The following CCSER1 variants were observed in gnomAD, a reference collection of about 807,000 sequenced individuals.
CCSER1 encodes the protein serine-rich coiled-coil domain-containing protein 1.
Under a neutral mutation model 82.0 loss-of-function variants are expected in CCSER1, and 41 were observed. The observed-to-expected ratio is 0.50, with a 90% CI of 0.39 to 0.65. The LOEUF is 0.65. CCSER1 is among the 30% of genes least tolerant of loss of function. The pLI is 0.00. For missense variants in CCSER1, 1,119 were observed against 1,064.2 expected (o/e 1.05, Z -0.72); for synonymous variants, 414 against 383.9 (o/e 1.08, Z -0.92).
intron 8 of CCSER1, among the ~76,000 whole-genome samples, chr4:90,914,119 G>A (rs540244559): frequency 2.6e-5 from 4 of 152,214 alleles, no homozygotes; most frequent in Non-Finnish European, 4.4e-5. Flanking sequence ...TCCAGGAATT[G>A]AATTCAGCTG....
chr4:90,441,402 C>T (rs1281905913), intron 4 of CCSER1, among the ~76,000 whole-genome samples: 1 of 152,074 alleles, frequency 6.6e-6, no homozygotes, highest in Non-Finnish European at 1.5e-5. Context: ...AGGCTGTCTT[C>T]CTGGCTTGTA....
intron 5 of CCSER1, among the ~76,000 whole-genome samples, chr4:90,524,351 C>T (rs578152863): frequency 1.3e-5 from 2 of 152,312 alleles, no homozygotes; most frequent in East Asian, 3.9e-4. Context: ...GTGGTTAAGC[C>T]AAGGGGCAAA....
At chr4:90,833,758 G>T (rs1251325067) in intron 8 of CCSER1, among the ~76,000 whole-genome samples, 1 of 152,134 alleles carries the variant, frequency 6.6e-6, no homozygotes, top group East Asian at 1.9e-4. Context: ...TCAAAAGTTG[G>T]TTGTGTTGAA....
chr4:90,865,477 TC>T (rs1353898066), intron 8 of CCSER1, among the ~76,000 whole-genome samples: 9 of 152,018 alleles, frequency 5.9e-5, no homozygotes, highest in African/African-American at 1.9e-4. Flanking sequence ...ATGTCTACCT[TC>T]CAGCTGTCAT....
At chr4:91,354,325 C>A (rs1476813418) in intron 10 of CCSER1, among the ~76,000 whole-genome samples, 1 of 152,180 alleles carries the variant, frequency 6.6e-6, no homozygotes, top group Non-Finnish European at 1.5e-5. Context: ...CAGAAGTTTA[C>A]CTGTTTTTAT....
intron 5 of CCSER1, among the ~76,000 whole-genome samples, chr4:90,543,981 A>T (rs954450500): frequency 6.6e-6 from 1 of 152,132 alleles, no homozygotes; most frequent in Non-Finnish European, 1.5e-5. Flanking sequence ...ACAGAAAGAT[A>T]TGAGGCATCT....
chr4:90,161,898 C>G (rs1000611918), intron 1 of CCSER1, among the ~76,000 whole-genome samples: 1 of 152,020 alleles, frequency 6.6e-6, no homozygotes, highest in Non-Finnish European at 1.5e-5. Flanking sequence ...TCTCTACAAG[C>G]TATCTACTTC....
chr4:90,568,193 A>G (rs1779632143), intron 5 of CCSER1, among the ~76,000 whole-genome samples: 1 of 152,228 alleles, frequency 6.6e-6, no homozygotes, highest in Non-Finnish European at 1.5e-5. Context: ...GATCTAGATT[A>G]TATTTTAAGT....
intron 5 of CCSER1, among the ~76,000 whole-genome samples, chr4:90,513,978 G>A (rs548800587): frequency 3.9e-5 from 6 of 152,172 alleles, no homozygotes; most frequent in East Asian, 1.9e-4. Flanking sequence ...TAGGGGGATC[G>A]GAGAGAAAAC....
chr4:90,707,124 T>A (rs932395637), intron 6 of CCSER1, among the ~76,000 whole-genome samples: 4 of 152,250 alleles, frequency 2.6e-5, no homozygotes, highest in African/African-American at 9.6e-5. Context: ...CTCTTGTCTA[T>A]TCTTTGAAGA....
intron 10 of CCSER1, among the ~76,000 whole-genome samples, chr4:91,536,146 G>A (rs1219180077): frequency 6.6e-6 from 1 of 152,106 alleles, no homozygotes; most frequent in Non-Finnish European, 1.5e-5. Context: ...AGATTTCAGT[G>A]TGGAAGAATG....
intron 4 of CCSER1, among the ~76,000 whole-genome samples, chr4:90,452,605 T>A (rs999339552): frequency 6.6e-6 from 1 of 152,208 alleles, no homozygotes; most frequent in African/African-American, 2.4e-5. Flanking sequence ...GGAACTCCCA[T>A]GGCCATTGCC....
chr4:90,172,665 C>T (rs1278339188), intron 1 of CCSER1, among the ~76,000 whole-genome samples: 1 of 151,794 alleles, frequency 6.6e-6, no homozygotes, highest in African/African-American at 2.4e-5. Flanking sequence ...AAATTGAATT[C>T]AAATTCAGGT....
intron 10 of CCSER1, among the ~76,000 whole-genome samples, chr4:91,447,586 G>T (rs891307533): frequency 8.5e-5 from 13 of 152,080 alleles, no homozygotes; most frequent in Admixed American, 5.9e-4. Context: ...AATAAGGACA[G>T]AAAAATTAGT....
intron 3 of CCSER1, among the ~76,000 whole-genome samples, chr4:90,393,401 A>T (rs1196903005): frequency 6.6e-6 from 1 of 152,200 alleles, no homozygotes; most frequent in East Asian, 1.9e-4. Context: ...ACGGAAATGT[A>T]TATCTTGGCA....
intron 7 of CCSER1, among the ~76,000 whole-genome samples, chr4:90,801,456 G>A (rs984700417): frequency 6.6e-6 from 1 of 152,092 alleles, no homozygotes; most frequent in African/African-American, 2.4e-5. Flanking sequence ...ATTTATATCG[G>A]TAAGAATTTT....
chr4:90,968,005 G>A (rs1191529067), intron 9 of CCSER1, among the ~76,000 whole-genome samples: 18 of 152,088 alleles, frequency 1.2e-4, no homozygotes, highest in Admixed American at 7.9e-4. Flanking sequence ...TTTCTCTAAC[G>A]GAGAAAACTG....
At chr4:91,474,815 A>ATATATATATATATATATG (rs1560700786) in intron 10 of CCSER1, among the ~76,000 whole-genome samples, 2 of 63,408 alleles carry the variant, frequency 3.2e-5, no homozygotes, top group Admixed American at 1.7e-4. Flanking sequence ...ATATATATAC[A>ATATATATATATATATATG]CACACACACA....
At chr4:90,510,417 G>C (rs1560635115) in intron 5 of CCSER1, among the ~76,000 whole-genome samples, 1 of 152,140 alleles carries the variant, frequency 6.6e-6, no homozygotes, top group Non-Finnish European at 1.5e-5. Context: ...GAGAATTAAA[G>C]TAGAAACTAT....
Sources: gnomAD v4.1 joint callset for allele counts (sites outside exome capture counted in the v4.1 genomes callset) on GRCh38, gnomAD v4.1.1 for gene constraint, MANE v1.5 for transcripts, NCBI Gene and HGNC (gene_info 2026-07-23, HGNC 2026-07-21) for gene names.